CEP112: variants seen among roughly 807,000 people sequenced by gnomAD.
CEP112 encodes the protein centrosomal protein 112, also known as centrosomal protein of 112 kDa.
In CEP112, 127 loss-of-function variants were observed where a neutral mutation model predicts 153.0. That is an observed-to-expected ratio of 0.83 (90% CI 0.72 to 0.96). CEP112 has a LOEUF of 0.96. Ranked by LOEUF, CEP112 falls within the 40% of genes least tolerant of loss-of-function variation. CEP112 has a pLI of 0.00. For missense variants in CEP112, 1,089 were observed against 1,101.2 expected, an observed-to-expected ratio of 0.99 and a Z score of 0.16; for synonymous variants, 358 against 374.4, an observed-to-expected ratio of 0.96 and a Z score of 0.51.
chr17:66,017,912 A>G (rs915184420), intron 16 of CEP112, among the ~76,000 whole-genome samples: 7 of 151,976 alleles, frequency 4.6e-5, no homozygotes, highest in Non-Finnish European at 1.0e-4. Flanking sequence ...AGGCAGGAGA[A>G]TCTCTTGAAC....
At chr17:65,771,024 A>C (rs1022885346) in intron 21 of CEP112, among the ~76,000 whole-genome samples, 2 of 151,924 alleles carry the variant, frequency 1.3e-5, no homozygotes, top group Non-Finnish European at 2.9e-5. Flanking sequence ...ATTAAAACCT[A>C]ACAATATCAA....
chr17:65,655,382 C>A, intron 24 of CEP112: 1 of 1,548,712 alleles, frequency 6.5e-7, no homozygotes, highest in Non-Finnish European at 8.9e-7. Context: ...GGAAGCTCAA[C>A]TCCAGTAAAG....
At chr17:65,769,139 A>G (rs751889454) in intron 21 of CEP112, among the ~76,000 whole-genome samples, 3 of 152,074 alleles carry the variant, frequency 2.0e-5, no homozygotes, top group Non-Finnish European at 2.9e-5. Context: ...ATACACAACA[A>G]TGTAGCCAAA....
intron 24 of CEP112, among the ~76,000 whole-genome samples, chr17:65,653,078 C>G (rs1277412099): frequency 6.6e-6 from 1 of 152,164 alleles, no homozygotes; most frequent in Non-Finnish European, 1.5e-5. Context: ...CCCTCATGAC[C>G]TCATCTAGAT....
intron 20 of CEP112, among the ~76,000 whole-genome samples, chr17:65,876,193 C>G (rs2058819697): frequency 6.6e-6 from 1 of 152,154 alleles, no homozygotes; most frequent in Non-Finnish European, 1.5e-5. Context: ...TTCAACGAAT[C>G]TTCTGTATTT....
At chr17:65,750,344 G>A (rs917926194) in intron 22 of CEP112, among the ~76,000 whole-genome samples, 3 of 152,148 alleles carry the variant, frequency 2.0e-5, no homozygotes, top group Admixed American at 6.5e-5. Flanking sequence ...TGTATCTCCT[G>A]TCCTTGTGAA....
At chr17:66,101,415 T>C (rs2068564499) in intron 6 of CEP112, among the ~76,000 whole-genome samples, 1 of 152,052 alleles carries the variant, frequency 6.6e-6, no homozygotes, top group Non-Finnish European at 1.5e-5. Flanking sequence ...AGCATGAACA[T>C]TTTATCTTAG....
At chr17:65,975,798 G>T (rs1315285671) in intron 17 of CEP112, among the ~76,000 whole-genome samples, 1 of 152,100 alleles carries the variant, frequency 6.6e-6, no homozygotes, top group Non-Finnish European at 1.5e-5. Flanking sequence ...CCTAATTTGG[G>T]ACTAAACATA....
chr17:66,060,704 T>C (rs766880962), intron 11 of CEP112, among the ~76,000 whole-genome samples: 2 of 152,090 alleles, frequency 1.3e-5, no homozygotes, highest in South Asian at 2.1e-4. Context: ...GATATCCACA[T>C]GCAGAACAAT....
At position 66,140,614 on chromosome 17, in the gene CEP112, A is replaced by G. The variant is rs116403140; in HGVS notation, c.471-7851T>C. Among the ~76,000 whole-genome samples the G allele has an allele frequency of 4.9e-3, 748 of 152,294 alleles. 7 individuals carry two copies. The highest frequency in any genetic ancestry group is 0.017 in the African/African-American group (721 of 41,560). ...ACAAAAATCAGTAGCACTTCTTTAC[A>G]CTAACAATGAATTATCCAAAAAGAA... On this transcript the variant is annotated intron_variant, in intron 4 of 26. Transcript: ENST00000535342.
chr17:65,909,289 C>T (rs915618181), intron 19 of CEP112, among the ~76,000 whole-genome samples: 9 of 152,144 alleles, frequency 5.9e-5, no homozygotes, highest in Non-Finnish European at 4.4e-5. Context: ...GGTGTAAAAA[C>T]GGGTTATAGC....
rs763670851 is a variant in CEP112, at chr17:65,951,737, T to TCCCGCG, written c.1872+9725_1872+9726insCGCGGG. On this transcript the variant is annotated intron_variant, in intron 18 of 26. Transcript: ENST00000535342. ...CAATCTTAGCTTTCTGCTCTAATCTTCCCCCGCCCCCCCCTTTCTTCCACT... is the reference window on the plus strand; with the variant it reads ...CAATCTTAGCTTTCTGCTCTAATCTTCCCGCGCCCCCGCCCCCCCCTTTCTTCCACT... Among the ~76,000 whole-genome samples the TCCCGCG allele has an allele frequency of 3.3e-3, 323 of 96,916 alleles. 48 individuals are homozygous for TCCCGCG. In the East Asian group the frequency reaches 0.038, roughly 11 times the overall value. The allele number at this position is 96,916 out of a possible 152,430, so 63.6% of individuals were successfully genotyped here.
chr17:65,786,559 T>C (rs1007675093), intron 21 of CEP112, among the ~76,000 whole-genome samples: 14 of 151,626 alleles, frequency 9.2e-5, no homozygotes, highest in East Asian at 5.8e-4. Flanking sequence ...TGCTGTTTTG[T>C]CTTTAGCCAA....
chr17:65,748,423 A>G (rs1048522811), intron 22 of CEP112, among the ~76,000 whole-genome samples: 2 of 152,188 alleles, frequency 1.3e-5, no homozygotes, highest in African/African-American at 4.8e-5. Context: ...CAAGCTTTTC[A>G]GGGAGATTTT....
At chr17:66,073,637 A>C (rs1475114904) in intron 8 of CEP112, among the ~76,000 whole-genome samples, 1 of 152,198 alleles carries the variant, frequency 6.6e-6, no homozygotes, top group East Asian at 1.9e-4. Flanking sequence ...CATAAAGGCC[A>C]CACCTTAGGA....
intron 4 of CEP112, among the ~76,000 whole-genome samples, chr17:66,135,603 C>T (rs2070398515): frequency 6.6e-6 from 1 of 152,066 alleles, no homozygotes. Flanking sequence ...TTTCAGGATG[C>T]CAAAACCAAC....
intron 6 of CEP112, among the ~76,000 whole-genome samples, chr17:66,110,792 A>G (rs2069001894): frequency 6.6e-6 from 1 of 152,188 alleles, no homozygotes; most frequent in African/African-American, 2.4e-5. Context: ...TCCTGGACAT[A>G]GTCCTAGCAA....
chr17:65,834,563 A>T (rs1234034752), intron 21 of CEP112, among the ~76,000 whole-genome samples: 2 of 152,226 alleles, frequency 1.3e-5, no homozygotes, highest in African/African-American at 4.8e-5. Flanking sequence ...TCTTAAAAGA[A>T]GACACACATG....
Position 66,176,849 on chromosome 17 carries a change from T to C in CEP112, c.278A>G (p.Lys93Arg). 1 of 1,608,098 alleles carries C rather than the reference T, an allele frequency of 6.2e-7. No individual in the cohort carries two copies. The highest frequency in any genetic ancestry group is 8.5e-7 in the Non-Finnish European group (1 of 1,178,168). ...ACCTACCATGTATGAAGGTAGAATT[T>C]TTAGTGTCCCGGGTTCAGGTCGGTG... Reference protein sequence around the residue: ...FTHRPEPGTLKILPSYMSIYF... With the variant: ...FTHRPEPGTLRILPSYMSIYF... Residue 93 changes from lysine to arginine, a missense_variant, in exon 3 of 27, where the codon AAA becomes AGA. By Grantham distance (26) the Lys-to-Arg change is conservative. Transcript: ENST00000535342.
Sources: gnomAD v4.1 joint callset for allele counts (sites outside exome capture counted in the v4.1 genomes callset) on GRCh38, gnomAD v4.1.1 for gene constraint, MANE v1.5 for transcripts, NCBI Gene and HGNC (gene_info 2026-07-23, HGNC 2026-07-21) for gene names.